Variants in MNAT1 observed in about 807,000 individuals in gnomAD.
MNAT1 encodes the protein MNAT1 component of CDK activating kinase.
MNAT1 carries 43 observed loss-of-function variants against 42.0 expected under a neutral mutation model. That is an observed-to-expected ratio of 1.02 (90% CI 0.80 to 1.32). MNAT1 has a LOEUF of 1.32. Among genes scored for constraint, MNAT1 ranks in the 40% most tolerant of loss-of-function variants. The pLI, the probability that MNAT1 is intolerant of heterozygous loss-of-function variation, is 0.00. For missense variants in MNAT1, 306 were observed against 350.4 expected, an observed-to-expected ratio of 0.87 and a Z score of 1.01; for synonymous variants, 118 against 120.0, an observed-to-expected ratio of 0.98 and a Z score of 0.11.
intron 7 of MNAT1, among the ~76,000 whole-genome samples, chr14:60,944,309 C>CTT (rs2139594917): frequency 6.6e-6 from 1 of 152,238 alleles, no homozygotes; most frequent in East Asian, 1.9e-4. Context: ...GAAATGGGGC[C>CTT]TTTGTGAGGC....
chr14:60,755,348 T>C (rs1352217914), intron 1 of MNAT1, among the ~76,000 whole-genome samples: 1 of 152,206 alleles, frequency 6.6e-6, no homozygotes, highest in Non-Finnish European at 1.5e-5. Flanking sequence ...TTCACCATGT[T>C]GGCCAGGATG....
chr14:60,897,054 C>T (rs1031187211), intron 7 of MNAT1, among the ~76,000 whole-genome samples: 41 of 151,696 alleles, frequency 2.7e-4, no homozygotes, highest in African/African-American at 8.2e-4. Context: ...AATTTATATC[C>T]GCATGATTTT....
chr14:60,825,334 A>G (rs1190486768), intron 6 of MNAT1, among the ~76,000 whole-genome samples: 4 of 152,196 alleles, frequency 2.6e-5, no homozygotes, highest in Non-Finnish European at 5.9e-5. Flanking sequence ...TTTTTTACTG[A>G]ATGTGGAGAC....
At chr14:60,876,058 T>A (rs1475001093) in intron 6 of MNAT1, among the ~76,000 whole-genome samples, 1 of 152,068 alleles carries the variant, frequency 6.6e-6, no homozygotes, top group Non-Finnish European at 1.5e-5. Flanking sequence ...GTGACACCAA[T>A]GCTGGACATT....
intron 1 of MNAT1, among the ~76,000 whole-genome samples, chr14:60,793,891 GAAAATGTTACGTAGGA>G (rs2031911286): frequency 1.3e-5 from 2 of 151,896 alleles, no homozygotes; most frequent in South Asian, 4.2e-4. Context: ...ATTAGAAATG[GAAAATGTTACGTAGGA>G]AAATAAACTG....
rs546636308 is a variant in MNAT1, at chr14:60,738,403, A to T, written c.89+3452A>T. 1.7e-3 allele frequency among the ~76,000 whole-genome samples: 258 copies of T among 151,356 alleles called. 1 individual carries two copies. The highest frequency in any genetic ancestry group is 5.5e-3 in the African/African-American group (228 of 41,276). ...CCCGAGTAGCTGGGACTACAGTCGCATGCCACCATGCCCGGCTAATTTTTG... is the reference window on the plus strand; with the variant it reads ...CCCGAGTAGCTGGGACTACAGTCGCTTGCCACCATGCCCGGCTAATTTTTG... On this transcript the variant is annotated intron_variant, in intron 1 of 7. Coordinates refer to ENST00000261245, the MANE Select transcript of MNAT1 (RefSeq NM_002431.4).
chr14:60,841,591 A>G (rs1258915389), intron 6 of MNAT1, among the ~76,000 whole-genome samples: 2 of 152,120 alleles, frequency 1.3e-5, no homozygotes. Context: ...TTGTCCTGCT[A>G]ATTTCACATT....
chr14:60,888,491 A>G (rs1221609603), intron 7 of MNAT1, among the ~76,000 whole-genome samples: 2 of 152,130 alleles, frequency 1.3e-5, no homozygotes, highest in African/African-American at 2.4e-5. Flanking sequence ...AGCCAATATC[A>G]TACAGAATGG....
At chr14:60,839,838 G>A (rs1306109119) in intron 6 of MNAT1, among the ~76,000 whole-genome samples, 1 of 152,240 alleles carries the variant, frequency 6.6e-6, no homozygotes, top group African/African-American at 2.4e-5. Context: ...TGGCATGCCT[G>A]GCTGTGCGCT....
chr14:60,927,513 G>C (rs2035790781), intron 7 of MNAT1, among the ~76,000 whole-genome samples: 1 of 152,220 alleles, frequency 6.6e-6, no homozygotes, highest in Non-Finnish European at 1.5e-5. Flanking sequence ...CCCATGCCCA[G>C]AAAGGAGCCC....
chr14:60,889,580 C>G (rs906535870), intron 7 of MNAT1, among the ~76,000 whole-genome samples: 7 of 152,102 alleles, frequency 4.6e-5, no homozygotes, highest in African/African-American at 1.4e-4. Flanking sequence ...AAAATGGCAA[C>G]AAAAGCCAAA....
At chr14:60,921,381 A>G (rs942569839) in intron 7 of MNAT1, among the ~76,000 whole-genome samples, 22 of 152,226 alleles carry the variant, frequency 1.4e-4, no homozygotes, top group African/African-American at 5.3e-4. Context: ...TTGAAAATAT[A>G]AGCAAACAGA....
intron 3 of MNAT1, among the ~76,000 whole-genome samples, chr14:60,807,380 G>T (rs917474575): frequency 6.6e-5 from 10 of 152,118 alleles, no homozygotes; most frequent in Admixed American, 6.6e-4. Flanking sequence ...GTTATTTAGG[G>T]TAGATCCGTC....
chr14:60,929,398 G>A (rs956873050), intron 7 of MNAT1, among the ~76,000 whole-genome samples: 2 of 151,582 alleles, frequency 1.3e-5, no homozygotes, highest in Non-Finnish European at 2.9e-5. Flanking sequence ...ATGTTTTCCT[G>A]TAAAAGTTTT....
At chr14:60,915,231 T>G (rs1220891303) in intron 7 of MNAT1, among the ~76,000 whole-genome samples, 2 of 152,208 alleles carry the variant, frequency 1.3e-5, no homozygotes, top group African/African-American at 4.8e-5. Flanking sequence ...GGTTTCCAAT[T>G]TTATAGCTGT....
At chr14:60,810,335 T>G (rs2032504054) in intron 4 of MNAT1, among the ~76,000 whole-genome samples, 2 of 152,104 alleles carry the variant, frequency 1.3e-5, no homozygotes, top group Non-Finnish European at 2.9e-5. Context: ...ATTTCATTTA[T>G]TTTTGCTCTA....
intron 1 of MNAT1, among the ~76,000 whole-genome samples, chr14:60,747,756 G>A (rs1411956650): frequency 6.6e-6 from 1 of 152,042 alleles, no homozygotes; most frequent in African/African-American, 2.4e-5. Flanking sequence ...CCCAGCTTAT[G>A]GTAACAATTT....
At chr14:60,737,724 G>A (rs948048843) in intron 1 of MNAT1, among the ~76,000 whole-genome samples, 1 of 151,980 alleles carries the variant, frequency 6.6e-6, no homozygotes, top group African/African-American at 2.4e-5. Flanking sequence ...GATAAATATG[G>A]CCCAGTTGTT....
intron 6 of MNAT1, among the ~76,000 whole-genome samples, chr14:60,832,399 T>A (rs1332089002): frequency 2.6e-5 from 4 of 152,254 alleles, no homozygotes; most frequent in Non-Finnish European, 5.9e-5. Context: ...TGCATATGGC[T>A]AGCCAGTTTT....
Sources: gnomAD v4.1 joint callset for allele counts (sites outside exome capture counted in the v4.1 genomes callset) on GRCh38, gnomAD v4.1.1 for gene constraint, MANE v1.5 for transcripts, NCBI Gene and HGNC (gene_info 2026-07-23, HGNC 2026-07-21) for gene names.